KCTD8: variants seen among roughly 807,000 people sequenced by gnomAD.
KCTD8 encodes the protein BTB/POZ domain-containing protein KCTD8.
A neutral mutation model predicts 31.5 loss-of-function variants in KCTD8; 27 were observed. That is an observed-to-expected ratio of 0.86 (90% CI 0.63 to 1.18). The LOEUF (loss-of-function observed/expected upper bound fraction) is 1.18, where lower values mean the gene tolerates loss of function less well. Ranked by LOEUF, KCTD8 falls within the 50% of genes most tolerant of loss-of-function variation. The pLI is 0.00. For missense variants in KCTD8, 658 were observed against 647.7 expected (o/e 1.02, Z -0.17); for synonymous variants, 290 against 280.0 (o/e 1.04, Z -0.36).
intron 1 of KCTD8, among the ~76,000 whole-genome samples, chr4:44,231,873 A>C (rs1185527472): frequency 6.6e-6 from 1 of 152,052 alleles, no homozygotes; most frequent in African/African-American, 2.4e-5. Context: ...GTTGATTCTA[A>C]GCAATGACTT....
intron 1 of KCTD8, among the ~76,000 whole-genome samples, chr4:44,292,982 TC>T (rs1717324279): frequency 6.6e-6 from 1 of 152,126 alleles, no homozygotes; most frequent in Non-Finnish European, 1.5e-5. Flanking sequence ...TTTTCAAGCC[TC>T]CTTGTAAACA....
At chr4:44,201,193 T>C (rs1249251833) in intron 1 of KCTD8, among the ~76,000 whole-genome samples, 1 of 152,116 alleles carries the variant, frequency 6.6e-6, no homozygotes, top group Non-Finnish European at 1.5e-5. Context: ...TCCATGCTTA[T>C]GGATTTGAAG....
intron 1 of KCTD8, among the ~76,000 whole-genome samples, chr4:44,194,408 G>A (rs990017268): frequency 6.6e-6 from 1 of 152,152 alleles, no homozygotes; most frequent in East Asian, 1.9e-4. Context: ...AGATGTACTG[G>A]TAACACCTTC....
At chr4:44,369,294 G>A (rs1451305390) in intron 1 of KCTD8, among the ~76,000 whole-genome samples, 2 of 152,040 alleles carry the variant, frequency 1.3e-5, no homozygotes, top group Non-Finnish European at 1.5e-5. Flanking sequence ...AATTCCCAAA[G>A]AAAAAATGTC....
chr4:44,411,390 A>C (rs1720952378), intron 1 of KCTD8, among the ~76,000 whole-genome samples: 2 of 151,808 alleles, frequency 1.3e-5, no homozygotes, highest in Non-Finnish European at 2.9e-5. Flanking sequence ...AAAAAAAAAA[A>C]AAAAAAAAAA....
At chr4:44,364,841 T>C (rs184782448) in intron 1 of KCTD8, among the ~76,000 whole-genome samples, 109 of 151,678 alleles carry the variant, frequency 7.2e-4, no homozygotes, top group Middle Eastern at 3.4e-3. Flanking sequence ...TATGACATTC[T>C]GGGAAAGGGA....
At chr4:44,266,541 C>T (rs1157960788) in intron 1 of KCTD8, among the ~76,000 whole-genome samples, 1 of 151,974 alleles carries the variant, frequency 6.6e-6, no homozygotes, top group Admixed American at 6.6e-5. Flanking sequence ...TCACACATAA[C>T]AATATTAACT....
intron 1 of KCTD8, among the ~76,000 whole-genome samples, chr4:44,270,145 TG>T (rs1716539888): frequency 6.6e-6 from 1 of 152,096 alleles, no homozygotes; most frequent in Non-Finnish European, 1.5e-5. Context: ...CCAACCCAAA[TG>T]TCCAACAATG....
intron 1 of KCTD8, among the ~76,000 whole-genome samples, chr4:44,383,938 A>G (rs12499020): frequency 6.6e-6 from 1 of 151,820 alleles, no homozygotes; most frequent in South Asian, 2.1e-4. Context: ...GAAACTAATA[A>G]CTAAAATATA....
intron 1 of KCTD8, among the ~76,000 whole-genome samples, chr4:44,342,806 G>C (rs78360280): frequency 0.013 from 2,053 of 152,278 alleles, 50 homozygotes; most frequent in African/African-American, 0.047. Context: ...GCTTCACCTT[G>C]TACTTTTATG....
chr4:44,370,991 G>A (rs1386662129), intron 1 of KCTD8, among the ~76,000 whole-genome samples: 1 of 152,018 alleles, frequency 6.6e-6, no homozygotes. Context: ...AAAATTTGCT[G>A]TCTGCAAGCT....
intron 1 of KCTD8, among the ~76,000 whole-genome samples, chr4:44,383,025 C>A (rs547913071): frequency 1.9e-3 from 293 of 151,116 alleles, no homozygotes; most frequent in African/African-American, 6.2e-3. Flanking sequence ...AACTAGCTGA[C>A]AAAAAAAACA....
chr4:44,226,882 G>A (rs867410034), intron 1 of KCTD8, among the ~76,000 whole-genome samples: 8 of 150,956 alleles, frequency 5.3e-5, no homozygotes, highest in Non-Finnish European at 1.2e-4. Flanking sequence ...CTTTTAGATG[G>A]AGTTGTTTTT....
intron 1 of KCTD8, among the ~76,000 whole-genome samples, chr4:44,354,580 T>G (rs920733561): frequency 6.6e-6 from 1 of 152,138 alleles, no homozygotes; most frequent in African/African-American, 2.4e-5. Context: ...ACTCATTTTA[T>G]CAACTTATTG....
intron 1 of KCTD8, among the ~76,000 whole-genome samples, chr4:44,176,209 T>C (rs988526523): frequency 6.6e-6 from 1 of 152,210 alleles, no homozygotes; most frequent in Admixed American, 6.5e-5. Flanking sequence ...GAACAAGTTG[T>C]ATAAATCAGA....
At chr4:44,181,696 GCCTGGC>G (rs1011547072) in intron 1 of KCTD8, among the ~76,000 whole-genome samples, 2 of 152,096 alleles carry the variant, frequency 1.3e-5, no homozygotes, top group Non-Finnish European at 2.9e-5. Flanking sequence ...GACCCTCTCT[GCCTGGC>G]CGCCCATTGT....
intron 1 of KCTD8, among the ~76,000 whole-genome samples, chr4:44,188,518 G>A (rs1316270101): frequency 1.3e-5 from 2 of 152,190 alleles, no homozygotes. Context: ...ATGTGAGGAA[G>A]TCCTTTGTAG....
rs778071296 is a variant in KCTD8 at position 44,309,052 on chromosome 4, T to A, written c.962-133802A>T. 2.6e-5 allele frequency among the ~76,000 whole-genome samples: 4 copies of A among 152,252 alleles called. 1 individual carries two copies. In the South Asian group the frequency reaches 8.3e-4, roughly 32 times the overall value. On this transcript the variant is annotated intron_variant, in intron 1 of 1. Transcript: ENST00000360029. The stretch of plus-strand genomic sequence containing the variant: ...ATCAAACTGACGTTTATTTATTTAT[T>A]TAAAACAGAGTCTCACTTTGTCACC...
At chr4:44,250,890 C>A (rs530202578) in intron 1 of KCTD8, among the ~76,000 whole-genome samples, 12 of 151,764 alleles carry the variant, frequency 7.9e-5, no homozygotes, top group African/African-American at 2.9e-4. Flanking sequence ...TGTCTTGAGT[C>A]ATTTTGAGTT....
Sources: gnomAD v4.1 joint callset for allele counts (sites outside exome capture counted in the v4.1 genomes callset) on GRCh38, gnomAD v4.1.1 for gene constraint, MANE v1.5 for transcripts, NCBI Gene and HGNC (gene_info 2026-07-23, HGNC 2026-07-21) for gene names.